The following GSE1 variants were observed in gnomAD, a reference collection of about 807,000 sequenced individuals.
GSE1 encodes Gse1 coiled-coil protein, also known as genetic suppressor element 1.
GSE1 carries 32 observed loss-of-function variants against 112.6 expected under a neutral mutation model. The observed-to-expected ratio is 0.28, with a 90% confidence interval of 0.21 to 0.38. The LOEUF (loss-of-function observed/expected upper bound fraction) is 0.38, where lower values mean the gene tolerates loss of function less well. Ranked by LOEUF, GSE1 falls within the 10% of genes least tolerant of loss-of-function variation. GSE1 has a pLI of 1.00. For synonymous variants in GSE1, 1,115 were observed against 735.6 expected (o/e 1.52, Z -8.35); for missense variants, 2,348 against 1,699.2 (o/e 1.38, Z -6.71).
chr16:85,363,621 T>G (rs1479915744), intron 2 of GSE1, among the ~76,000 whole-genome samples: 1 of 152,188 alleles, frequency 6.6e-6, no homozygotes, highest in Non-Finnish European at 1.5e-5. Flanking sequence ...ATCAAGAGAA[T>G]GAAAGCACTG....
Position 85,672,553 on chromosome 16 carries a change from A to C in GSE1, c.*14A>C. The C allele has an allele frequency of 6.4e-7, 1 of 1,570,318 alleles. No individual in the cohort carries two copies. ...TATCCCAGGTGACGGTTTCCCTTGC[A>C]CTAGGCCGAACCTATAGTATAGAAA... is the stretch of plus-strand genomic sequence containing the variant. On this transcript the variant is annotated 3_prime_UTR_variant, in exon 16 of 16. Coordinates refer to ENST00000253458, the MANE Select transcript of GSE1 (RefSeq NM_014615.5).
At chr16:85,256,210 G>A (rs561977383) in intron 1 of GSE1, among the ~76,000 whole-genome samples, 3 of 152,268 alleles carry the variant, frequency 2.0e-5, no homozygotes, top group Non-Finnish European at 4.4e-5. Flanking sequence ...CAGCACCGGG[G>A]GGTGGAGGGT....
intron 10 of GSE1, 108 bp downstream of exon 10, chr16:85,663,201 G>A (rs2052574200): frequency 1.3e-5 from 17 of 1,266,232 alleles, no homozygotes; most frequent in Middle Eastern, 2.5e-4. Flanking sequence ...AAGTCCTGGC[G>A]GGTTCGCCCC....
chr16:85,329,934 GT>G (rs1020896517), intron 1 of GSE1, among the ~76,000 whole-genome samples: 6 of 149,322 alleles, frequency 4.0e-5, no homozygotes, highest in Admixed American at 4.0e-4. Context: ...CAAGAGGCTG[GT>G]GGGGGGGCAG....
rs576311613 is a variant in GSE1 at position 85,630,665 on chromosome 16, C to T, written c.8-3249C>T. 2.4e-4 allele frequency among the ~76,000 whole-genome samples: 36 copies of T among 152,302 alleles called. 1 individual carries two copies. Among genetic ancestry groups the T allele is most frequent in the Middle Eastern group, 6.8e-3 (2 of 294 alleles). ...CAACGTATCTTAGCTGTGTGTGGTG[C>T]GCGCACATGTGACCATTCACGCCTT... is the stretch of plus-strand genomic sequence containing the variant. On this transcript the variant is annotated intron_variant, in intron 1 of 15. Transcript: ENST00000253458.
intron 1 of GSE1, among the ~76,000 whole-genome samples, chr16:85,313,331 G>T (rs983722592): frequency 6.6e-6 from 1 of 152,118 alleles, no homozygotes; most frequent in Non-Finnish European, 1.5e-5. Context: ...GAGACACCTG[G>T]CTTGACCTTG....
chr16:85,533,716 C>T (rs9939160), intron 2 of GSE1, among the ~76,000 whole-genome samples: 86,304 of 151,796 alleles, frequency 0.57, 24,857 homozygotes, highest in East Asian at 0.76. Context: ...ATTTTAAAAA[C>T]TATCTGGACG....
At chr16:85,377,801 T>C (rs1055740773) in intron 2 of GSE1, among the ~76,000 whole-genome samples, 2 of 152,122 alleles carry the variant, frequency 1.3e-5, no homozygotes, top group African/African-American at 4.8e-5. Context: ...TCCCTGCGGG[T>C]GGCCTTCCAA....
At chr16:85,237,055 G>A (rs1264225006) in intron 1 of GSE1, among the ~76,000 whole-genome samples, 6 of 152,242 alleles carry the variant, frequency 3.9e-5, no homozygotes, top group Admixed American at 1.3e-4. Flanking sequence ...GCTGGGCGCC[G>A]TGGCTCATGC....
At position 85,661,079 on chromosome 16, in the gene GSE1, C is replaced by T. The variant is rs1415691064; in HGVS notation, c.1641-67C>T. 2.1e-6 allele frequency: 3 copies of T among 1,455,600 alleles called. No individual in the cohort carries two copies. The Admixed American group carries it at 6.7e-5, about 32-fold the overall frequency. 90.2% of individuals were successfully genotyped at this position (1,455,600 alleles called of 1,614,324 possible). ...GTGTCATCTTAGGAGCGGCAGGCAG[C>T]CAGGGAAGCCTGTGGATGACTGAAG... On this transcript the variant is annotated intron_variant, in intron 8 of 15. Coordinates refer to ENST00000253458, the MANE Select transcript of GSE1 (RefSeq NM_014615.5).
chr16:85,460,356 G>T (rs932346107), intron 2 of GSE1, among the ~76,000 whole-genome samples: 3 of 152,176 alleles, frequency 2.0e-5, no homozygotes, highest in African/African-American at 7.2e-5. Context: ...GCCCAGCCTG[G>T]TATTTTCTTA....
Position 85,318,142 on chromosome 16 carries a change from G to A in GSE1, c.2284-39321G>A, listed in dbSNP as rs532728260. Among the ~76,000 whole-genome samples, 12 of 152,326 alleles carry A rather than the reference G, an allele frequency of 7.9e-5. No homozygotes were observed. In the East Asian group the frequency reaches 1.2e-3, roughly 15 times the overall value. On this transcript the variant is annotated intron_variant, in intron 1 of 2. Transcript: ENST00000637419. ...GCTTCAGATCTGGGGCCAGGGATGC[G>A]GTGCCCACCGCCAGGCCCCTTAAGA... is the stretch of plus-strand genomic sequence containing the variant.
At chr16:85,456,592 GT>G (rs1567501965) in intron 2 of GSE1, among the ~76,000 whole-genome samples, 1 of 120,546 alleles carries the variant, frequency 8.3e-6, no homozygotes, top group Non-Finnish European at 1.7e-5. Context: ...GTGTGTGTGT[GT>G]GTGTGTGTGT....
intron 2 of GSE1, among the ~76,000 whole-genome samples, chr16:85,519,009 C>T (rs2052047966): frequency 6.6e-6 from 1 of 152,162 alleles, no homozygotes; most frequent in Non-Finnish European, 1.5e-5. Context: ...CGGTTCAGAT[C>T]CCAGCGCCTC....
intron 2 of GSE1, among the ~76,000 whole-genome samples, chr16:85,364,311 C>T (rs551148060): frequency 1.3e-5 from 2 of 151,996 alleles, no homozygotes; most frequent in Non-Finnish European, 2.9e-5. Context: ...ACTTAGAAGG[C>T]CCCTGTGACT....
rs1051714968 is a variant in GSE1, at chr16:85,634,009, A to G, written c.103A>G (p.Asn35Asp). 3.1e-6 allele frequency: 5 copies of G among 1,612,076 alleles called. No individual in the cohort carries two copies. The highest frequency in any genetic ancestry group is 4.2e-6 in the Non-Finnish European group (5 of 1,179,334). The stretch of plus-strand genomic sequence containing the variant: ...CAACCCCCTCACCCCCTCGCCGCTC[A>G]ATGGCGCCCTGGTGCCCAGCGGCAG... ...TVNPLTPSPL[N>D]GALVPSGSPA... The change falls in exon 2 of 16, where the codon AAT becomes GAT. Residue 35 changes from asparagine (N) to aspartate (D), a missense_variant. By Grantham distance (23) the Asn-to-Asp change is conservative. Coordinates refer to ENST00000253458, the MANE Select transcript of GSE1 (RefSeq NM_014615.5).
At chr16:85,668,108 A>G (rs1263892045) in intron 13 of GSE1, 32 bp from the exon 14 acceptor site, 7 of 1,520,006 alleles carry the variant, frequency 4.6e-6, no homozygotes, top group Non-Finnish European at 6.2e-6. Context: ...CCTTCCCCCA[A>G]CACACTGATG....
At chr16:85,605,655 G>C (rs952733803) in intron 1 of GSE1, among the ~76,000 whole-genome samples, 2 of 151,814 alleles carry the variant, frequency 1.3e-5, no homozygotes, top group South Asian at 4.2e-4. Context: ...TCCTCCCCCT[G>C]CACCCCCGGG....
rs748851338 is a variant in GSE1 at position 85,665,008 on chromosome 16, C to T, written c.2645-7C>T. 8 of 1,572,082 alleles carry T rather than the reference C, an allele frequency of 5.1e-6. No individual in the cohort carries two copies. In the Admixed American group the frequency reaches 1.0e-4, roughly 20 times the overall value. On this transcript the variant is annotated splice_region_variant and splice_polypyrimidine_tract_variant and intron_variant, in intron 11 of 15. Transcript: ENST00000253458. Reference sequence around the variant, plus strand: ...GGCTCGTTAATCTCAGGCTGCTTTTCTCATAGACAAAGAGAGACTTGTTGA... The same window carrying T: ...GGCTCGTTAATCTCAGGCTGCTTTTTTCATAGACAAAGAGAGACTTGTTGA...
Sources: gnomAD v4.1 joint callset for allele counts (sites outside exome capture counted in the v4.1 genomes callset) on GRCh38, gnomAD v4.1.1 for gene constraint, MANE v1.5 for transcripts, NCBI Gene and HGNC (gene_info 2026-07-23, HGNC 2026-07-21) for gene names.